The following PRKCA variants were observed in gnomAD, a reference collection of about 807,000 sequenced individuals.
PRKCA encodes protein kinase C alpha type.
In PRKCA, 27 loss-of-function variants were observed where a neutral mutation model predicts 87.0. The ratio of observed to expected loss-of-function variants is 0.31; its 90% CI spans 0.23 to 0.43. PRKCA has a LOEUF of 0.43. Ranked by LOEUF, PRKCA falls within the 20% of genes least tolerant of loss-of-function variation. The probability of loss-of-function intolerance (pLI) is 1.00; values close to 1 mark genes in which losing one functional copy is unlikely to be tolerated. For missense variants in PRKCA, 518 were observed against 852.3 expected (o/e 0.61, Z 4.88); for synonymous variants, 329 against 311.1 (o/e 1.06, Z -0.61).
Position 66,354,981 on chromosome 17 carries a change from G to A in PRKCA, c.205+48854G>A, listed in dbSNP as rs61342527. On this transcript the variant is annotated intron_variant, in intron 2 of 16. Coordinates refer to ENST00000413366, the MANE Select transcript of PRKCA (RefSeq NM_002737.3). Reference sequence around the variant, plus strand: ...CAAGGTATTTGCTTTCCTATACATCGTTACATTTTGTCATCCTATGATGAA... The same window carrying A: ...CAAGGTATTTGCTTTCCTATACATCATTACATTTTGTCATCCTATGATGAA... Among the ~76,000 whole-genome samples the A allele has an allele frequency of 9.9e-3, 1,507 of 152,116 alleles. 15 individuals carry two copies. Among genetic ancestry groups the A allele is most frequent in the African/African-American group, 0.033 (1,381 of 41,472 alleles).
intron 2 of PRKCA, among the ~76,000 whole-genome samples, chr17:66,419,257 A>G (rs947736233): frequency 2.0e-5 from 3 of 152,172 alleles, no homozygotes; most frequent in Admixed American, 2.0e-4. Flanking sequence ...GAGTAGAGAC[A>G]TTTTTTAGGT....
intron 5 of PRKCA, among the ~76,000 whole-genome samples, chr17:66,670,949 T>C (rs1972162590): frequency 6.6e-6 from 1 of 151,896 alleles, no homozygotes; most frequent in South Asian, 2.1e-4. Context: ...CAATGCCTCA[T>C]GCCTGTAATC....
Position 66,687,189 on chromosome 17 carries a change from A to G in PRKCA, c.608A>G (p.Asp203Gly), listed in dbSNP as rs776558609. The part of the protein sequence containing the change: ...DPYVKLKLIP[D>G]PKNESKQKTK... Reference sequence around the variant, plus strand: ...TATGTGAAGCTGAAACTTATTCCTGATCCCAAGAATGAAAGCAAGCAAAAA... The same window carrying G: ...TATGTGAAGCTGAAACTTATTCCTGGTCCCAAGAATGAAAGCAAGCAAAAA... The change falls in exon 6 of 17, where the codon GAT becomes GGT. Residue 203 changes from aspartate (D) to glycine (G), a missense_variant. This residue lies in a region of PRKCA where 300 missense variants were observed against 496.8 expected (regional missense o/e 0.60). Coordinates refer to ENST00000413366, the MANE Select transcript of PRKCA (RefSeq NM_002737.3). The G allele has an allele frequency of 6.2e-7, 1 of 1,613,956 alleles. No homozygotes were observed. Among genetic ancestry groups the G allele is most frequent in the Non-Finnish European group, 8.5e-7 (1 of 1,179,880 alleles).
At chr17:66,373,696 T>A (rs141185703) in intron 2 of PRKCA, among the ~76,000 whole-genome samples, 1 of 152,210 alleles carries the variant, frequency 6.6e-6, no homozygotes, top group Non-Finnish European at 1.5e-5. Flanking sequence ...GGGATTTACA[T>A]AGGGACAATC....
At chr17:66,331,281 T>G (rs1369475718) in intron 2 of PRKCA, among the ~76,000 whole-genome samples, 1 of 152,154 alleles carries the variant, frequency 6.6e-6, no homozygotes, top group Non-Finnish European at 1.5e-5. Context: ...TGTTTTTCTC[T>G]TCTGTGTTTA....
At chr17:66,662,959 T>C (rs981877614) in intron 5 of PRKCA, among the ~76,000 whole-genome samples, 3 of 152,090 alleles carry the variant, frequency 2.0e-5, no homozygotes, top group African/African-American at 4.8e-5. Flanking sequence ...GGGGAACAAG[T>C]GTATGGGAAA....
At chr17:66,616,895 G>A (rs1387267830) in intron 3 of PRKCA, among the ~76,000 whole-genome samples, 1 of 152,018 alleles carries the variant, frequency 6.6e-6, no homozygotes, top group Non-Finnish European at 1.5e-5. Context: ...GCAGGGGTGG[G>A]GCCGTGGTCA....
intron 2 of PRKCA, among the ~76,000 whole-genome samples, chr17:66,440,923 G>A (rs1913704382): frequency 2.0e-5 from 3 of 152,064 alleles, no homozygotes; most frequent in Admixed American, 1.3e-4. Flanking sequence ...AGCATTTTGG[G>A]AGGCTGAGGC....
chr17:66,548,137 G>T (rs920883540), intron 3 of PRKCA, among the ~76,000 whole-genome samples: 4 of 152,154 alleles, frequency 2.6e-5, no homozygotes, highest in Non-Finnish European at 4.4e-5. Context: ...ATTCTTGTTC[G>T]GGGGGATTTC....
intron 3 of PRKCA, among the ~76,000 whole-genome samples, chr17:66,497,259 A>AG (rs1318173557): frequency 4.6e-5 from 7 of 152,154 alleles, no homozygotes; most frequent in African/African-American, 1.7e-4. Context: ...GCACTTTGGA[A>AG]GGCTGAGGCG....
chr17:66,694,845 T>C (rs1167953282), intron 8 of PRKCA, among the ~76,000 whole-genome samples: 3 of 152,128 alleles, frequency 2.0e-5, no homozygotes, highest in Non-Finnish European at 4.4e-5. Context: ...GAAGTTCTTA[T>C]TGTCATTTGC....
intron 8 of PRKCA, among the ~76,000 whole-genome samples, chr17:66,730,491 T>C (rs975566474): frequency 2.0e-5 from 3 of 152,236 alleles, no homozygotes; most frequent in African/African-American, 7.2e-5. Context: ...TCATGAGTTT[T>C]CTGGGAAAGG....
In PRKCA at chr17:66,358,333, A is replaced by C. The variant is rs187050067; in HGVS notation, c.205+52206A>C. 7.2e-4 allele frequency among the ~76,000 whole-genome samples: 110 copies of C among 152,318 alleles called. 3 individuals are homozygous for C. The South Asian group carries it at 0.022, about 30-fold the overall frequency. Reference sequence around the variant, plus strand: ...ATAATAAGTGTCATTCTTGGGTACCAGATAAACTTAACTGATCACTTAATT... The same window carrying C: ...ATAATAAGTGTCATTCTTGGGTACCCGATAAACTTAACTGATCACTTAATT... On this transcript the variant is annotated intron_variant, in intron 2 of 16. Coordinates refer to ENST00000413366, the MANE Select transcript of PRKCA (RefSeq NM_002737.3).
At chr17:66,305,933 C>G (rs1249707222) in intron 1 of PRKCA, among the ~76,000 whole-genome samples, 163 bp from the exon 2 acceptor site, 1 of 152,096 alleles carries the variant, frequency 6.6e-6, no homozygotes, top group African/African-American at 2.4e-5. Flanking sequence ...GTTGAATTTA[C>G]ACAGTAATCT....
chr17:66,747,267 C>T (rs752126288), intron 13 of PRKCA, among the ~76,000 whole-genome samples: 6 of 152,128 alleles, frequency 3.9e-5, no homozygotes, highest in Non-Finnish European at 8.8e-5. Context: ...ATGGGGGTCT[C>T]GCTGTGTTGC....
intron 2 of PRKCA, among the ~76,000 whole-genome samples, chr17:66,357,479 A>T (rs1020938338): frequency 6.6e-6 from 1 of 152,226 alleles, no homozygotes; most frequent in Non-Finnish European, 1.5e-5. Context: ...TTAGACTTCG[A>T]ATGCATTATG....
Position 66,781,864 on chromosome 17 carries a change from G to T in PRKCA, c.1606-5003G>T, listed in dbSNP as rs1419599940. On this transcript the variant is annotated intron_variant, in intron 14 of 16. Coordinates refer to ENST00000413366, the MANE Select transcript of PRKCA (RefSeq NM_002737.3). ...GTAAATTTTGTGAGAGAGAGAGAGA[G>T]AGAGATATATATATATATATATAGT... is the stretch of plus-strand genomic sequence containing the variant. Among the ~76,000 whole-genome samples, 478 of 117,352 alleles carry T rather than the reference G, an allele frequency of 4.1e-3. 4 individuals are homozygous for T. Among genetic ancestry groups the T allele is most frequent in the East Asian group, 0.014 (61 of 4,226 alleles). 77.0% of individuals were successfully genotyped at this position (117,352 alleles called of 152,430 possible).
In PRKCA at chr17:66,517,741, C is replaced by T. The variant is rs866911653; in HGVS notation, c.288+21458C>T. On this transcript the variant is annotated intron_variant, in intron 3 of 16. Coordinates refer to ENST00000413366, the MANE Select transcript of PRKCA (RefSeq NM_002737.3). ...GTTACTGAGAAAAAAGAATTAACAC[C>T]AAGTTCTTGGCGCAAGTGCCATCCA... Among the ~76,000 whole-genome samples, 5 of 152,272 alleles carry T rather than the reference C, an allele frequency of 3.3e-5. No individual in the cohort carries two copies. In the East Asian group the frequency reaches 7.7e-4, roughly 24 times the overall value.
chr17:66,753,793 G>A (rs536951257), intron 13 of PRKCA, among the ~76,000 whole-genome samples: 26 of 152,244 alleles, frequency 1.7e-4, no homozygotes, highest in East Asian at 5.8e-4. Context: ...TAAAAGCCAC[G>A]TCAGGACACA....
Sources: gnomAD v4.1 joint callset for allele counts (sites outside exome capture counted in the v4.1 genomes callset) on GRCh38, gnomAD v4.1.1 for gene constraint, gnomAD v4.1.1 regional missense constraint, MANE v1.5 for transcripts, NCBI Gene and HGNC (gene_info 2026-07-23, HGNC 2026-07-21) for gene names.